Variants in ECT2 observed in about 807,000 individuals in gnomAD.
ECT2 encodes the protein epithelial cell transforming 2.
ECT2 carries 61 observed loss-of-function variants against 116.9 expected under a neutral mutation model. The ratio of observed to expected loss-of-function variants is 0.52; its 90% CI spans 0.42 to 0.65. ECT2 has a LOEUF of 0.65. Among genes scored for constraint, ECT2 ranks in the 30% least tolerant of loss-of-function variants. The probability of loss-of-function intolerance (pLI) is 0.00; values close to 1 mark genes in which losing one functional copy is unlikely to be tolerated. For synonymous variants in ECT2, 358 were observed against 346.4 expected (o/e 1.03, Z -0.37); for missense variants, 937 against 1,078.7 (o/e 0.87, Z 1.84).
chr3:172,773,893 T>C lies in ECT2; in HGVS notation c.1429-10T>C, dbSNP rs756750048. On this transcript the variant is annotated splice_polypyrimidine_tract_variant and intron_variant, in intron 13 of 24. Transcript: ENST00000392692. Reference sequence around the variant, plus strand: ...ACAATCTACTTAAACTAGTCTTTTTTCTCATTTAGTTATTTCAAGTACCAT... The same window carrying C: ...ACAATCTACTTAAACTAGTCTTTTTCCTCATTTAGTTATTTCAAGTACCAT... 6.2e-6 allele frequency: 10 copies of C among 1,611,662 alleles called. No individual in the cohort carries two copies. The highest frequency in any genetic ancestry group is 1.3e-5 in the African/African-American group (1 of 74,808).
the ECT2 span, among the ~76,000 whole-genome samples, chr3:172,826,718 A>G: frequency 6.6e-6 from 1 of 152,194 alleles, no homozygotes; most frequent in African/African-American, 2.4e-5. Flanking sequence ...ACTGCCTCCC[A>G]ACCTTCAGCA....
intron 22 of ECT2, among the ~76,000 whole-genome samples, chr3:172,809,599 GCACA>G (rs796162646): frequency 2.9e-4 from 37 of 126,496 alleles, no homozygotes; most frequent in African/African-American, 1.1e-3. Flanking sequence ...ACACACACAC[GCACA>G]CACACACGTG....
chr3:172,819,127 G>A (rs1011160304), intron 24 of ECT2, among the ~76,000 whole-genome samples: 4 of 151,944 alleles, frequency 2.6e-5, no homozygotes, highest in African/African-American at 9.7e-5. Flanking sequence ...CTTTTAATAT[G>A]CCAAATCATA....
intron 14 of ECT2, among the ~76,000 whole-genome samples, chr3:172,780,056 A>G (rs1173247760): frequency 6.6e-6 from 1 of 152,144 alleles, no homozygotes; most frequent in African/African-American, 2.4e-5. Flanking sequence ...ACCCAGCCAT[A>G]GGCAACCACT....
chr3:172,761,450 T>G (rs1381735288), intron 7 of ECT2, among the ~76,000 whole-genome samples, 160 bp from the exon 8 acceptor site: 1 of 152,182 alleles, frequency 6.6e-6, no homozygotes. Flanking sequence ...TACCCTAACT[T>G]GTATGATTGG....
intron 12 of ECT2, 61 bp downstream of exon 12, chr3:172,764,561 T>A (rs1324968095): frequency 2.1e-6 from 3 of 1,442,718 alleles, no homozygotes; most frequent in South Asian, 1.2e-5. Flanking sequence ...ATTGTTAGAA[T>A]TTAGATAAAT....
rs2109088020 is a variant in ECT2, at chr3:172,805,852, A to T, written c.2228A>T (p.Asp743Val). The T allele has an allele frequency of 6.2e-7, 1 of 1,613,404 alleles. No individual in the cohort carries two copies. The highest frequency in any genetic ancestry group is 2.2e-5 in the East Asian group (1 of 44,834). ...MPLSQIKKVLDIRETEDCHNA... is the reference protein window; with the variant it reads ...MPLSQIKKVLVIRETEDCHNA... ...CTTTCTCAGATTAAGAAGGTATTGG[A>T]CATAAGAGAGACAGAAGGTATGCCG... Residue 743 changes from aspartate (D) to valine (V), a missense_variant, in exon 21 of 25, where the codon GAC (aspartate) becomes GTC (valine). Physicochemically the swap from Asp to Val is radical, Grantham distance 152. Transcript: ENST00000392692.
At chr3:172,789,145 A>C (rs1270084143) in intron 18 of ECT2, among the ~76,000 whole-genome samples, 1 of 147,638 alleles carries the variant, frequency 6.8e-6, no homozygotes, top group Non-Finnish European at 1.5e-5. Flanking sequence ...CTTGATGTTG[A>C]TGGCTGCTTA....
intron 4 of ECT2, among the ~76,000 whole-genome samples, chr3:172,756,782 A>G (rs1301087127): frequency 6.6e-6 from 1 of 152,230 alleles, no homozygotes; most frequent in Non-Finnish European, 1.5e-5. Flanking sequence ...GGAGATATGT[A>G]TATGTAAAAA....
chr3:172,763,412 A>G (rs912183942), intron 11 of ECT2, among the ~76,000 whole-genome samples: 2 of 152,238 alleles, frequency 1.3e-5, no homozygotes, highest in Non-Finnish European at 1.5e-5. Flanking sequence ...TAGAACCCCA[A>G]TTGGGAGAGG....
intron 20 of ECT2, among the ~76,000 whole-genome samples, chr3:172,804,406 C>T (rs1181574031): frequency 6.6e-6 from 1 of 152,162 alleles, no homozygotes; most frequent in African/African-American, 2.4e-5. Context: ...AATTGACTGT[C>T]TCCTGAAGTG....
chr3:172,774,616 C>A (rs372435660), intron 14 of ECT2, among the ~76,000 whole-genome samples: 2 of 152,058 alleles, frequency 1.3e-5, no homozygotes, highest in Non-Finnish European at 2.9e-5. Context: ...CAGCCTCTCC[C>A]GAAGTAACTG....
chr3:172,803,667 A>C (rs62281237), intron 20 of ECT2, among the ~76,000 whole-genome samples: 15,658 of 152,246 alleles, frequency 0.1, 1,046 homozygotes, highest in Non-Finnish European at 0.15. Flanking sequence ...TAAAACAGAC[A>C]TTAATAAGAT....
intron 22 of ECT2, among the ~76,000 whole-genome samples, chr3:172,811,387 A>G (rs1728745936): frequency 6.6e-6 from 1 of 152,172 alleles, no homozygotes; most frequent in South Asian, 2.1e-4. Context: ...AGCAAAAATA[A>G]TATATTTTAT....
intron 13 of ECT2, among the ~76,000 whole-genome samples, chr3:172,770,346 T>C (rs2108466849): frequency 6.6e-6 from 1 of 152,312 alleles, no homozygotes; most frequent in East Asian, 1.9e-4. Flanking sequence ...AGTTTCAGAA[T>C]TCTAATTTGC....
At position 172,758,999 on chromosome 3, in the gene ECT2, G is replaced by T; in HGVS notation, c.506G>T (p.Arg169Leu). 1.9e-6 allele frequency: 3 copies of T among 1,609,372 alleles called. No homozygotes were observed. The highest frequency in any genetic ancestry group is 2.5e-6 in the Non-Finnish European group (3 of 1,178,768). ...CTTCAGCCTTTGCCATTTTCATGTC[G>T]CCCGTTGTATTGTACAAGTATGATG... is the stretch of plus-strand genomic sequence containing the variant. ...QKGEPLPFSC[R>L]PLYCTSMMNL... The change falls in exon 6 of 25, where the codon CGC (arginine) becomes CTC (leucine). Residue 169 changes from arginine (R) to leucine (L), a missense_variant. Coordinates refer to ENST00000392692, the MANE Select transcript of ECT2 (RefSeq NM_001258315.2).
intron 12 of ECT2, among the ~76,000 whole-genome samples, chr3:172,768,166 T>TG (rs926249294): frequency 1.1e-4 from 17 of 152,124 alleles, no homozygotes; most frequent in Admixed American, 2.6e-4. Context: ...GGGTTTTTTG[T>TG]GGGGGGGCTT....
chr3:172,766,439 A>C (rs1719403726), intron 12 of ECT2, among the ~76,000 whole-genome samples: 1 of 152,214 alleles, frequency 6.6e-6, no homozygotes, highest in Admixed American at 6.5e-5. Context: ...ATTCATAGAG[A>C]GTTGTTCTGA....
chr3:172,766,516 G>A (rs534457269), intron 12 of ECT2, among the ~76,000 whole-genome samples: 2 of 152,230 alleles, frequency 1.3e-5, no homozygotes, highest in South Asian at 2.1e-4. Context: ...CAATCGCTTC[G>A]GCCATGAAAT....
Sources: gnomAD v4.1 joint callset for allele counts (sites outside exome capture counted in the v4.1 genomes callset) on GRCh38, gnomAD v4.1.1 for gene constraint, MANE v1.5 for transcripts, NCBI Gene and HGNC (gene_info 2026-07-23, HGNC 2026-07-21) for gene names.